The following GLDC variants were observed in gnomAD, a reference collection of about 807,000 sequenced individuals.
GLDC encodes the protein glycine decarboxylase, also known as glycine dehydrogenase (decarboxylating), mitochondrial.
GLDC carries 104 observed loss-of-function variants against 121.3 expected under a neutral mutation model. That is an observed-to-expected ratio of 0.86 (90% CI 0.73 to 1.01). GLDC has a LOEUF of 1.01. GLDC is among the 50% of genes least tolerant of loss of function. The pLI is 0.00. For missense variants in GLDC, 1,429 were observed against 1,306.6 expected, an observed-to-expected ratio of 1.09 and a Z score of -1.44; for synonymous variants, 546 against 480.6, an observed-to-expected ratio of 1.14 and a Z score of -1.78.
intron 15 of GLDC, among the ~76,000 whole-genome samples, chr9:6,577,091 G>A (rs1040266344): frequency 3.9e-5 from 6 of 152,278 alleles, no homozygotes; most frequent in South Asian, 2.1e-4. Context: ...CCTTCTGTGC[G>A]CATAACACAG....
Position 6,607,507 on chromosome 9 carries a change from G to A in GLDC, c.636-838C>T, listed in dbSNP as rs56779624. On this transcript the variant is annotated intron_variant, in intron 4 of 24. Transcript: ENST00000321612. ...TGAGGCAGGAGAATTGCTTGAACCC[G>A]GGAGGCAGAGGTTGCAGTGAGCCAA... is the stretch of plus-strand genomic sequence containing the variant. Among the ~76,000 whole-genome samples the A allele has an allele frequency of 6.9e-3, 1,057 of 152,150 alleles. 16 individuals are homozygous for A. The highest frequency in any genetic ancestry group is 0.024 in the African/African-American group (1,006 of 41,504).
chr9:6,633,062 C>G (rs1347704103), intron 2 of GLDC, among the ~76,000 whole-genome samples: 1 of 152,184 alleles, frequency 6.6e-6, no homozygotes, highest in Admixed American at 6.5e-5. Flanking sequence ...AGTACTCAGT[C>G]TCAGCCTTCC....
At position 6,550,488 on chromosome 9, in the gene GLDC, A is replaced by G. The variant is rs377469220; in HGVS notation, c.2569+315T>C. Among the ~76,000 whole-genome samples, 386 of 152,210 alleles carry G rather than the reference A, an allele frequency of 2.5e-3. 3 individuals are homozygous for G. Among genetic ancestry groups the G allele is most frequent in the African/African-American group, 9.0e-3 (373 of 41,542 alleles). On this transcript the variant is annotated intron_variant, in intron 21 of 24. Transcript: ENST00000321612. ...CTAAAAATATAAAAATTAGCCGGGC[A>G]TGGTGGTGCACACGTGTAGTCCCAG...
intron 2 of GLDC, among the ~76,000 whole-genome samples, chr9:6,626,723 G>A (rs1370851220): frequency 6.6e-6 from 1 of 152,192 alleles, no homozygotes; most frequent in East Asian, 1.9e-4. Context: ...CCGCACAGGT[G>A]TCCAGGAGGT....
chr9:6,534,850 T>G (rs1414020582), intron 23 of GLDC, 62 bp from the exon 24 acceptor site: 2 of 857,452 alleles, frequency 2.3e-6, no homozygotes, highest in Non-Finnish European at 4.0e-6. Context: ...CCTCCTACCC[T>G]GCACCTCAAC....
chr9:6,603,182 C>T (rs1399425859), intron 7 of GLDC, among the ~76,000 whole-genome samples: 1 of 151,336 alleles, frequency 6.6e-6, no homozygotes, highest in Non-Finnish European at 1.5e-5. Flanking sequence ...GAGCCAAGAT[C>T]GTACCACTGC....
chr9:6,637,668 C>T (rs1364127841), intron 2 of GLDC, among the ~76,000 whole-genome samples: 2 of 152,050 alleles, frequency 1.3e-5, no homozygotes, highest in African/African-American at 2.4e-5. Flanking sequence ...GGTTTTGCCA[C>T]GTTGCCCAGG....
chr9:6,608,859 G>C (rs1376919390), intron 4 of GLDC, among the ~76,000 whole-genome samples: 1 of 152,178 alleles, frequency 6.6e-6, no homozygotes, highest in Non-Finnish European at 1.5e-5. Flanking sequence ...ATAATAACCA[G>C]AGAGGTGGGT....
At chr9:6,551,133 C>T (rs1475369563) in intron 20 of GLDC, among the ~76,000 whole-genome samples, 9 of 152,164 alleles carry the variant, frequency 5.9e-5, no homozygotes, top group Admixed American at 1.3e-4. Flanking sequence ...AGTAGTTTTA[C>T]GTTCTTTATT....
chr9:6,583,933 C>G (rs760395867), intron 15 of GLDC, among the ~76,000 whole-genome samples: 1 of 152,172 alleles, frequency 6.6e-6, no homozygotes, highest in South Asian at 2.1e-4. Flanking sequence ...AATCAAAAAG[C>G]TCTCAGACGG....
At chr9:6,565,202 A>C in intron 16 of GLDC, 152 bp downstream of exon 16, 1 of 742,108 alleles carries the variant, frequency 1.3e-6, no homozygotes, top group Non-Finnish European at 2.5e-6. Context: ...AGCAAGGATC[A>C]TAATGGCTAG....
At chr9:6,597,449 G>A (rs1430371132) in intron 8 of GLDC, among the ~76,000 whole-genome samples, 1 of 152,204 alleles carries the variant, frequency 6.6e-6, no homozygotes, top group African/African-American at 2.4e-5. Flanking sequence ...AAGCCAACAA[G>A]GCTGGATGCA....
In GLDC at chr9:6,600,668, A is replaced by G. The variant is rs527778842; in HGVS notation, c.1155+1441T>C. Reference sequence around the variant, plus strand: ...CTGGGTGACGCAGGAACAGGACTCTATCTCAAAGAAGAAAAAAAAAGAAGA... The same window carrying G: ...CTGGGTGACGCAGGAACAGGACTCTGTCTCAAAGAAGAAAAAAAAAGAAGA... On this transcript the variant is annotated intron_variant, in intron 8 of 24. Transcript: ENST00000321612. Among the ~76,000 whole-genome samples, 4 of 151,658 alleles carry G rather than the reference A, an allele frequency of 2.6e-5. 1 individual carries two copies. The highest frequency in any genetic ancestry group is 2.6e-4 in the Admixed American group (4 of 15,196).
chr9:6,599,739 C>CAAAAAAAAAAAAAAAAAAAAAAAAA (rs1324936091), intron 8 of GLDC, among the ~76,000 whole-genome samples: 1 of 148,780 alleles, frequency 6.7e-6, no homozygotes, highest in African/African-American at 2.5e-5. Context: ...AAAAAACAAC[C>CAAAAAAAAAAAAAAAAAAAAAAAAA]AAAAAAACAA....
intron 2 of GLDC, among the ~76,000 whole-genome samples, chr9:6,641,101 A>G (rs1250238541): frequency 6.6e-6 from 1 of 152,208 alleles, no homozygotes; most frequent in Non-Finnish European, 1.5e-5. Context: ...TTGTCAAGGC[A>G]CTTTCTGAAT....
chr9:6,610,310 G>C lies in GLDC; in HGVS notation c.517C>G (p.Leu173Val). The C allele has an allele frequency of 6.2e-7, 1 of 1,613,830 alleles. No individual in the cohort carries two copies. ...PYQPEVSQGR[L>V]ESLLNYQTMV... ...GTCTGGTAGTTGAGTAAACTCTCCA[G>C]CCTCCCCTGAGACACCTCAGGCTGG... The change falls in exon 4 of 25, where the codon CTG becomes GTG. Residue 173 changes from leucine (L) to valine (V), a missense_variant. By Grantham distance (32) the Leu-to-Val change is conservative. Transcript: ENST00000321612.
chr9:6,602,582 G>A (rs1587958374), intron 7 of GLDC, among the ~76,000 whole-genome samples: 1 of 151,840 alleles, frequency 6.6e-6, no homozygotes, highest in Admixed American at 6.6e-5. Flanking sequence ...TGAACTCCTG[G>A]CCTCAGGTGA....
At chr9:6,570,643 C>T (rs1479464174) in intron 15 of GLDC, among the ~76,000 whole-genome samples, 2 of 152,116 alleles carry the variant, frequency 1.3e-5, no homozygotes, top group African/African-American at 2.4e-5. Context: ...CACCTGAGGT[C>T]AGGAGTTCGA....
chr9:6,633,240 T>G (rs1025722), intron 2 of GLDC, among the ~76,000 whole-genome samples: 47,214 of 151,988 alleles, frequency 0.31, 7,810 homozygotes, highest in East Asian at 0.51. Context: ...CTTCTGCCTC[T>G]GATGACTTCA....
Sources: allele counts gnomAD v4.1 joint callset (sites outside exome capture counted in the v4.1 genomes callset), GRCh38; gene constraint gnomAD v4.1.1; transcripts MANE v1.5; gene names NCBI Gene and HGNC (gene_info 2026-07-23, HGNC 2026-07-21).